Variants in MMP16 observed in about 807,000 individuals in gnomAD.
The protein encoded by MMP16 is matrix metallopeptidase 16, also known as matrix metalloproteinase-16.
Under a neutral mutation model 67.8 loss-of-function variants are expected in MMP16, and 12 were observed. That is an observed-to-expected ratio of 0.18 (90% CI 0.11 to 0.29). The LOEUF is 0.29. Among genes scored for constraint, MMP16 ranks in the 10% least tolerant of loss-of-function variants. The pLI, the probability that MMP16 is intolerant of heterozygous loss-of-function variation, is 1.00. For missense variants in MMP16, 475 were observed against 765.7 expected (o/e 0.62, Z 4.48); for synonymous variants, 249 against 255.9 (o/e 0.97, Z 0.26).
intron 3 of MMP16, among the ~76,000 whole-genome samples, chr8:88,172,330 G>A (rs145441550): frequency 0.019 from 2,899 of 152,038 alleles, 35 homozygotes; most frequent in South Asian, 0.033. Context: ...ATTTTATGTA[G>A]TAAAAAAATA....
At chr8:88,134,822 C>G (rs972794736) in intron 4 of MMP16, among the ~76,000 whole-genome samples, 3 of 151,338 alleles carry the variant, frequency 2.0e-5, no homozygotes, top group African/African-American at 7.3e-5. Flanking sequence ...TTATGAAACA[C>G]CTAGATCTGA....
chr8:88,317,346 T>A (rs928942781), intron 1 of MMP16, among the ~76,000 whole-genome samples: 1 of 152,160 alleles, frequency 6.6e-6, no homozygotes, highest in Non-Finnish European at 1.5e-5. Context: ...CAGTCAGCAG[T>A]CAGCAGCATC....
At chr8:88,201,630 C>A (rs1809346424) in intron 1 of MMP16, among the ~76,000 whole-genome samples, 2 of 152,104 alleles carry the variant, frequency 1.3e-5, no homozygotes, top group South Asian at 2.1e-4. Flanking sequence ...AAAATATATT[C>A]TGATATAATT....
intron 1 of MMP16, among the ~76,000 whole-genome samples, chr8:88,288,340 C>T (rs1409236739): frequency 6.6e-6 from 1 of 152,098 alleles, no homozygotes; most frequent in African/African-American, 2.4e-5. Context: ...TTCAGGACAC[C>T]ATTTTTTTTC....
At chr8:88,075,889 T>C in intron 6 of MMP16, among the ~76,000 whole-genome samples, 1 of 150,946 alleles carries the variant, frequency 6.6e-6, no homozygotes. Context: ...GCCAACAATA[T>C]GTTAGCCTGA....
At chr8:88,226,624 T>G (rs959467862) in intron 1 of MMP16, among the ~76,000 whole-genome samples, 7 of 152,076 alleles carry the variant, frequency 4.6e-5, no homozygotes, top group Non-Finnish European at 1.0e-4. Flanking sequence ...TGAAAATTCT[T>G]AACTCTTTCT....
chr8:88,088,132 C>T (rs1258055848), intron 6 of MMP16, among the ~76,000 whole-genome samples: 2 of 81,616 alleles, frequency 2.5e-5, no homozygotes, highest in East Asian at 5.6e-4. Context: ...CGTCTGACTG[C>T]GATCATGTAC....
intron 1 of MMP16, among the ~76,000 whole-genome samples, chr8:88,281,115 C>G (rs1408010061): frequency 1.3e-5 from 2 of 152,126 alleles, no homozygotes; most frequent in African/African-American, 2.4e-5. Context: ...CAAGTCTTTG[C>G]AATTCCAAAT....
intron 1 of MMP16, among the ~76,000 whole-genome samples, chr8:88,301,574 G>C (rs1175015908): frequency 1.3e-5 from 2 of 152,094 alleles, no homozygotes; most frequent in African/African-American, 2.4e-5. Context: ...AGAAAATACA[G>C]ATATATGCAG....
Position 88,144,977 on chromosome 8 carries a change from G to A in MMP16, c.709+22692C>T, listed in dbSNP as rs182628952. Reference sequence around the variant, plus strand: ...CTGCAGTTAAAAAATTGCTTCTTACGTATGCTTATATATGTTTTATTTTGT... The same window carrying A: ...CTGCAGTTAAAAAATTGCTTCTTACATATGCTTATATATGTTTTATTTTGT... On this transcript the variant is annotated intron_variant, in intron 4 of 9. Coordinates refer to ENST00000286614, the MANE Select transcript of MMP16 (RefSeq NM_005941.5). Among the ~76,000 whole-genome samples, 22 of 152,016 alleles carry A rather than the reference G, an allele frequency of 1.4e-4. No individual in the cohort carries two copies. The East Asian group carries it at 3.1e-3, about 21-fold the overall frequency.
chr8:88,059,891 A>G (rs1808375736), intron 7 of MMP16, among the ~76,000 whole-genome samples: 2 of 151,866 alleles, frequency 1.3e-5, no homozygotes, highest in Non-Finnish European at 2.9e-5. Flanking sequence ...ACGAAGCCTG[A>G]GAAGCCAAGA....
At chr8:88,167,329 A>G (rs979499612) in intron 4 of MMP16, among the ~76,000 whole-genome samples, 1 of 152,324 alleles carries the variant, frequency 6.6e-6, no homozygotes, top group Non-Finnish European at 1.5e-5. Context: ...AGATGCAAAA[A>G]AAACAGCAGA....
intron 1 of MMP16, among the ~76,000 whole-genome samples, chr8:88,288,816 A>C (rs141880960): frequency 6.6e-6 from 1 of 152,296 alleles, no homozygotes; most frequent in Non-Finnish European, 1.5e-5. Flanking sequence ...GATGTAGATG[A>C]AGATATATTT....
intron 4 of MMP16, among the ~76,000 whole-genome samples, chr8:88,126,114 A>T (rs527637943): frequency 1.3e-5 from 2 of 152,030 alleles, no homozygotes; most frequent in South Asian, 2.1e-4. Context: ...ACTCTTTTAA[A>T]AATTTTCAAT....
At chr8:88,215,589 G>A (rs1269009840) in intron 1 of MMP16, among the ~76,000 whole-genome samples, 1 of 152,064 alleles carries the variant, frequency 6.6e-6, no homozygotes, top group South Asian at 2.1e-4. Context: ...CGTTCTCTAC[G>A]GTGCCACATT....
intron 4 of MMP16, among the ~76,000 whole-genome samples, chr8:88,135,950 A>G (rs1005168058): frequency 1.4e-4 from 21 of 151,912 alleles, no homozygotes; most frequent in African/African-American, 5.1e-4. Context: ...GGGTTAAACC[A>G]TAGCAATAAA....
Position 88,056,159 on chromosome 8 carries a change from C to T in MMP16, c.1342G>A (p.Val448Ile), listed in dbSNP as rs1306557973. The T allele has an allele frequency of 1.9e-6, 3 of 1,588,152 alleles. No homozygotes were observed. Among genetic ancestry groups the T allele is most frequent in the African/African-American group, 1.3e-5 (1 of 74,124 alleles). The stretch of plus-strand genomic sequence containing the variant: ...CCCTTGAAGAAATAGGTTTTCCCGA[C>T]GTCCTCCCACCAAATGGCTGAATCA... ...GIDSAIWWED[V>I]GKTYFFKGDR... The change falls in exon 8 of 10, where the codon GTC becomes ATC. Residue 448 changes from valine to isoleucine, a missense_variant. Around this residue, in one of 5 missense-constraint regions of MMP16, gnomAD observed 195 missense variants for 300.9 expected, o/e 0.65. Coordinates refer to ENST00000286614, the MANE Select transcript of MMP16 (RefSeq NM_005941.5).
intron 2 of MMP16, among the ~76,000 whole-genome samples, chr8:88,192,286 A>T (rs570423835): frequency 3.9e-5 from 6 of 152,298 alleles, no homozygotes; most frequent in Non-Finnish European, 7.4e-5. Context: ...TTTTATCTAC[A>T]GACTCATTAA....
chr8:88,187,260 T>G (rs568813858), intron 2 of MMP16, among the ~76,000 whole-genome samples: 3 of 152,214 alleles, frequency 2.0e-5, no homozygotes, highest in African/African-American at 7.2e-5. Context: ...AGGTTTGATG[T>G]ACTTAAATTT....
Sources: gnomAD v4.1 joint callset for allele counts (sites outside exome capture counted in the v4.1 genomes callset) on GRCh38, gnomAD v4.1.1 for gene constraint, gnomAD v4.1.1 regional missense constraint, MANE v1.5 for transcripts, NCBI Gene and HGNC (gene_info 2026-07-23, HGNC 2026-07-21) for gene names.